The following JADE3 variants were observed in gnomAD, a reference collection of about 807,000 sequenced individuals.
JADE3 encodes jade family PHD finger 3, also known as protein Jade-3.
JADE3 carries 2 observed loss-of-function variants against 50.1 expected under a neutral mutation model. The ratio of observed to expected loss-of-function variants is 0.04; its 90% CI spans 0.02 to 0.13. The LOEUF is 0.13. Among genes scored for constraint, JADE3 ranks in the 10% least tolerant of loss-of-function variants. The pLI is 1.00. For synonymous variants in JADE3, 218 were observed against 232.9 expected (o/e 0.94, Z 0.58); for missense variants, 475 against 634.4 (o/e 0.75, Z 2.70).
chrX:46,981,480 T>C (rs1364405814), intron 1 of JADE3, among the ~76,000 whole-genome samples: 5 of 112,165 alleles, frequency 4.5e-5, no homozygotes, highest in African/African-American at 1.6e-4. Flanking sequence ...TACTTTTTAA[T>C]AGGAAGTGTC....
intron 8 of JADE3, among the ~76,000 whole-genome samples, chrX:47,052,576 A>G (rs1215212036): frequency 1.7e-4 from 16 of 91,954 alleles, no homozygotes; most frequent in African/African-American, 5.6e-4. Flanking sequence ...GGAGGTTGCA[A>G]TGAGCCGAGA....
chrX:46,952,259 C>T (rs1439250262), intron 1 of JADE3, among the ~76,000 whole-genome samples: 2 of 109,640 alleles, frequency 1.8e-5, no homozygotes, highest in South Asian at 3.7e-4. Flanking sequence ...CTTGTTTCAA[C>T]CCCATGGAGA....
Position 47,028,059 on chromosome X carries a change from A to G in JADE3, c.643A>G (p.Asn215Asp). The G allele has an allele frequency of 8.3e-7, 1 of 1,209,296 alleles. No individual in the cohort carries two copies. The highest frequency in any genetic ancestry group is 1.1e-6 in the Non-Finnish European group (1 of 893,595). ...VCRSPDSEEG[N>D]DMVFCDKCNV... Reference sequence around the variant, plus strand: ...CCGGTCTCCAGACAGTGAAGAAGGGAATGATATGGTGTTCTGTGATAAGTG... The same window carrying G: ...CCGGTCTCCAGACAGTGAAGAAGGGGATGATATGGTGTTCTGTGATAAGTG... Residue 215 changes from asparagine (N) to aspartate (D), a missense_variant, in exon 6 of 11, where the codon AAT (asparagine) becomes GAT (aspartate). By Grantham distance (23) the Asn-to-Asp change is conservative (BLOSUM62 1). Coordinates refer to ENST00000614628, the MANE Select transcript of JADE3 (RefSeq NM_014735.5).
At chrX:46,932,555 T>C (rs1394777616) in intron 1 of JADE3, among the ~76,000 whole-genome samples, 1 of 112,429 alleles carries the variant, frequency 8.9e-6, no homozygotes, top group Non-Finnish European at 1.9e-5. Flanking sequence ...TCTACATTTG[T>C]ATGAGTCATG....
intron 4 of JADE3, among the ~76,000 whole-genome samples, chrX:47,002,827 T>C (rs1420056999): frequency 3.6e-5 from 4 of 111,714 alleles, no homozygotes; most frequent in African/African-American, 1.3e-4. Context: ...AAATGTCTTG[T>C]AGTATGTCAA....
At chrX:46,993,157 T>C (rs782104320) in intron 3 of JADE3, among the ~76,000 whole-genome samples, 2 of 112,161 alleles carry the variant, frequency 1.8e-5, no homozygotes, top group East Asian at 2.8e-4. Context: ...ACTACTAGTC[T>C]GGTGTGTAAA....
intron 8 of JADE3, among the ~76,000 whole-genome samples, chrX:47,045,950 A>G (rs1376905957): frequency 9.0e-6 from 1 of 111,380 alleles, no homozygotes; most frequent in Non-Finnish European, 1.9e-5. Flanking sequence ...AAAAGTAGAA[A>G]AACTTCAACC....
intron 2 of JADE3, 44 bp downstream of exon 2, chrX:46,984,984 C>T: frequency 9.5e-7 from 1 of 1,047,337 alleles, no homozygotes. Flanking sequence ...CTATCTATAT[C>T]CCTTGAGGAT....
At chrX:46,929,833 A>G (rs1222798711) in intron 1 of JADE3, among the ~76,000 whole-genome samples, 1 of 112,004 alleles carries the variant, frequency 8.9e-6, no homozygotes, top group Admixed American at 9.4e-5. Context: ...AGTGTTCTCC[A>G]TATTGCTCTG....
intron 3 of JADE3, among the ~76,000 whole-genome samples, chrX:46,988,472 T>C (rs1191359556): frequency 9.0e-6 from 1 of 111,603 alleles, no homozygotes; most frequent in African/African-American, 3.3e-5. Context: ...TTATGTAGGG[T>C]ACAATAAGTA....
Position 47,058,801 on chromosome X carries a change from C to T in JADE3, c.2196C>T (p.Cys732=), listed in dbSNP as rs782101073. 5 of 1,209,721 alleles carry T rather than the reference C, an allele frequency of 4.1e-6. No individual in the cohort carries two copies. Among genetic ancestry groups the T allele is most frequent in the Non-Finnish European group, 5.6e-6 (5 of 893,952 alleles). ...RWVKNTEDLQ[C]YVKPTKNMSP... The stretch of plus-strand genomic sequence containing the variant: ...TGAAGAACACAGAGGACCTCCAGTG[C>T]TATGTGAAGCCAACCAAGAATATGA... The change falls in exon 11 of 11, where the codon TGC becomes TGT. Residue 732 remains cysteine (C), a synonymous_variant. Coordinates refer to ENST00000614628, the MANE Select transcript of JADE3 (RefSeq NM_014735.5).
intron 6 of JADE3, among the ~76,000 whole-genome samples, chrX:47,033,382 C>T (rs1048753865): frequency 2.7e-5 from 3 of 112,012 alleles, no homozygotes; most frequent in Non-Finnish European, 3.8e-5. Context: ...TGTATCTCCT[C>T]GTCTTGTTCT....
intron 8 of JADE3, among the ~76,000 whole-genome samples, chrX:47,048,344 G>A (rs1394597069): frequency 2.7e-5 from 3 of 111,393 alleles, no homozygotes; most frequent in Non-Finnish European, 3.8e-5. Context: ...ATCCTTTACC[G>A]CACAATACCC....
chrX:47,006,342 G>A (rs1556360299), intron 4 of JADE3, among the ~76,000 whole-genome samples: 1 of 110,576 alleles, frequency 9.0e-6, no homozygotes, highest in Admixed American at 9.7e-5. Flanking sequence ...GGAGTACAGT[G>A]GCATGATCAC....
At chrX:47,055,008 C>G (rs183828904) in intron 9 of JADE3, among the ~76,000 whole-genome samples, 1 of 111,280 alleles carries the variant, frequency 9.0e-6, no homozygotes, top group South Asian at 3.8e-4. Context: ...AAACTTGGCA[C>G]TGTTGACATT....
chrX:46,939,271 A>AT (rs1291468175), intron 1 of JADE3, among the ~76,000 whole-genome samples: 51 of 105,590 alleles, frequency 4.8e-4, no homozygotes, highest in Middle Eastern at 4.8e-3. Context: ...ACGTGGGTTA[A>AT]TTTTTTTTTT....
chrX:46,913,794 C>A (rs1352738239), intron 1 of JADE3, among the ~76,000 whole-genome samples: 1 of 110,097 alleles, frequency 9.1e-6, no homozygotes, highest in African/African-American at 3.3e-5. Flanking sequence ...GGCCCTGGGA[C>A]ATATGTGGCT....
intron 1 of JADE3, among the ~76,000 whole-genome samples, chrX:46,947,010 T>A (rs1984984828): frequency 9.0e-6 from 1 of 111,191 alleles, no homozygotes; most frequent in African/African-American, 3.3e-5. Context: ...TCCTTTTCTT[T>A]TCTCTTCTTT....
intron 1 of JADE3, among the ~76,000 whole-genome samples, chrX:46,949,569 C>A (rs1287743347): frequency 9.0e-6 from 1 of 111,631 alleles, no homozygotes; most frequent in Non-Finnish European, 1.9e-5. Context: ...TTCCTTATTT[C>A]TCTTTTATTG....
Sources: gnomAD v4.1 joint callset for allele counts (sites outside exome capture counted in the v4.1 genomes callset) on GRCh38, gnomAD v4.1.1 for gene constraint, MANE v1.5 for transcripts, NCBI Gene and HGNC (gene_info 2026-07-23, HGNC 2026-07-21) for gene names.